UNC5D: variants seen among roughly 807,000 people sequenced by gnomAD.
The protein encoded by UNC5D is netrin receptor UNC5D.
Under a neutral mutation model 105.4 loss-of-function variants are expected in UNC5D, and 39 were observed. That is an observed-to-expected ratio of 0.37 (90% CI 0.29 to 0.48). The LOEUF is 0.48. UNC5D is among the 20% of genes least tolerant of loss of function. UNC5D has a pLI of 0.98. For synonymous variants in UNC5D, 452 were observed against 450.4 expected, an observed-to-expected ratio of 1.00 and a Z score of -0.04; for missense variants, 991 against 1,202.4, an observed-to-expected ratio of 0.82 and a Z score of 2.60.
intron 1 of UNC5D, among the ~76,000 whole-genome samples, chr8:35,442,858 T>C (rs1807501214): frequency 1.6e-5 from 2 of 127,794 alleles, no homozygotes; most frequent in Admixed American, 1.5e-4. Context: ...TCTTACACCA[T>C]CTCTCTCTCT....
chr8:35,263,621 C>T (rs964249501), intron 1 of UNC5D, among the ~76,000 whole-genome samples: 1 of 152,314 alleles, frequency 6.6e-6, no homozygotes, highest in South Asian at 2.1e-4. Context: ...TGAAGCCACA[C>T]ATCTGTAGCT....
At position 35,387,755 on chromosome 8, in the gene UNC5D, T is replaced by A. The variant is rs6468317; in HGVS notation, c.103+151868T>A. Among the ~76,000 whole-genome samples the A allele has an allele frequency of 3.4e-3, 524 of 152,024 alleles. 7 individuals are homozygous for A. The highest frequency in any genetic ancestry group is 0.012 in the African/African-American group (489 of 41,476). On this transcript the variant is annotated intron_variant, in intron 1 of 16. Transcript: ENST00000404895. ...CTTCATATCATCCATCTCAGTAGGA[T>A]TTAGGAGTACAGGTATTTAGAGAGA...
chr8:35,365,475 T>G (rs1448697421), intron 1 of UNC5D, among the ~76,000 whole-genome samples: 1 of 151,492 alleles, frequency 6.6e-6, no homozygotes, highest in Non-Finnish European at 1.5e-5. Context: ...TAAGAAAAGA[T>G]TCCAACTGGA....
chr8:35,759,635 A>G (rs1801429480), intron 14 of UNC5D, among the ~76,000 whole-genome samples, 166 bp downstream of exon 14: 1 of 152,216 alleles, frequency 6.6e-6, no homozygotes, highest in African/African-American at 2.4e-5. Context: ...ACGGAATGAA[A>G]CATATTGTCA....
chr8:35,467,907 T>G (rs1425892743), intron 1 of UNC5D, among the ~76,000 whole-genome samples: 1 of 152,186 alleles, frequency 6.6e-6, no homozygotes, highest in East Asian at 1.9e-4. Context: ...CAATGACCAA[T>G]GTGATATTTT....
At chr8:35,779,479 G>A (rs1477828859) in intron 16 of UNC5D, among the ~76,000 whole-genome samples, 4 of 151,988 alleles carry the variant, frequency 2.6e-5, no homozygotes, top group African/African-American at 4.8e-5. Flanking sequence ...TTTGTTTTGC[G>A]ATGGAGTCTT....
intron 4 of UNC5D, among the ~76,000 whole-genome samples, chr8:35,602,054 A>G (rs1361402658): frequency 6.6e-6 from 1 of 152,206 alleles, no homozygotes; most frequent in Non-Finnish European, 1.5e-5. Context: ...TATTGAGATC[A>G]TCATGTGGTT....
intron 2 of UNC5D, among the ~76,000 whole-genome samples, chr8:35,565,739 T>C (rs781469889): frequency 1.3e-5 from 2 of 152,210 alleles, no homozygotes; most frequent in African/African-American, 2.4e-5. Context: ...TTTGAGTTAA[T>C]TGTTGTATAT....
At chr8:35,576,983 C>A (rs917739592) in intron 3 of UNC5D, among the ~76,000 whole-genome samples, 1 of 152,168 alleles carries the variant, frequency 6.6e-6, no homozygotes, top group Non-Finnish European at 1.5e-5. Flanking sequence ...ACAAAGAATT[C>A]CCTTAAGCCC....
chr8:35,295,690 G>A (rs1254587525), intron 1 of UNC5D, among the ~76,000 whole-genome samples: 1 of 151,992 alleles, frequency 6.6e-6, no homozygotes, highest in African/African-American at 2.4e-5. Flanking sequence ...GGTGTGGTGA[G>A]AACACTTAAG....
intron 1 of UNC5D, among the ~76,000 whole-genome samples, chr8:35,246,581 T>C (rs1803115523): frequency 1.3e-5 from 2 of 152,050 alleles, no homozygotes; most frequent in African/African-American, 4.8e-5. Context: ...TTGACTTCTT[T>C]CTTTTTTTTA....
intron 4 of UNC5D, among the ~76,000 whole-genome samples, chr8:35,620,379 G>T (rs947523198): frequency 2.6e-5 from 4 of 152,176 alleles, no homozygotes; most frequent in Non-Finnish European, 4.4e-5. Flanking sequence ...CATGAGGCAG[G>T]ACCAGGATCT....
Position 35,249,098 on chromosome 8 carries a change from A to T in UNC5D, c.103+13211A>T, listed in dbSNP as rs1288569396. Among the ~76,000 whole-genome samples the T allele has an allele frequency of 3.2e-5, 4 of 125,170 alleles. No individual in the cohort carries two copies. The Admixed American group carries it at 3.9e-4, about 12-fold the overall frequency. 82.1% of individuals were successfully genotyped at this position (125,170 alleles called of 152,430 possible). ...TATATAAAAGTTATATATAATATAT[A>T]AAAAAATATATATATTATATATATA... On this transcript the variant is annotated intron_variant, in intron 1 of 16. Coordinates refer to ENST00000404895, the MANE Select transcript of UNC5D (RefSeq NM_080872.4).
intron 1 of UNC5D, among the ~76,000 whole-genome samples, chr8:35,252,661 G>C (rs532907361): frequency 6.6e-6 from 1 of 152,078 alleles, no homozygotes; most frequent in Non-Finnish European, 1.5e-5. Flanking sequence ...TCATTTTGTT[G>C]TCAGTAAAAT....
chr8:35,568,084 T>C lies in UNC5D; in HGVS notation c.323-14T>C. 1.2e-6 allele frequency: 2 copies of C among 1,613,416 alleles called. No individual in the cohort carries two copies. The highest frequency in any genetic ancestry group is 1.7e-6 in the Non-Finnish European group (2 of 1,179,676). On this transcript the variant is annotated splice_polypyrimidine_tract_variant and intron_variant, in intron 2 of 16. Transcript: ENST00000404895. ...AGCCTCAGCTGATTTGTCTCTTATC[T>C]CTCCCACCATCAGGTTTGAAGGTCC...
In UNC5D at chr8:35,705,935, A is replaced by G; in HGVS notation, c.1091A>G (p.Lys364Arg). Reference protein sequence around the residue: ...CTDGLCILDKKPLHEIKPQSI... With the variant: ...CTDGLCILDKRPLHEIKPQSI... The stretch of plus-strand genomic sequence containing the variant: ...CTTTCTTTCTTTCTTTTAGATAAAA[A>G]ACCTCTTCATGAAATAAAACCCCAA... The change falls in exon 8 of 17, where the codon AAA becomes AGA. Residue 364 changes from lysine (K) to arginine (R), a missense_variant. This residue lies in a region of UNC5D where 944 missense variants were observed against 1,131.6 expected (regional missense o/e 0.83). Coordinates refer to ENST00000404895, the MANE Select transcript of UNC5D (RefSeq NM_080872.4). 1 of 1,332,950 alleles carries G rather than the reference A, an allele frequency of 7.5e-7. No individual in the cohort carries two copies. Among genetic ancestry groups the G allele is most frequent in the Non-Finnish European group, 1.0e-6 (1 of 952,942 alleles). The allele number at this position is 1,332,950 out of a possible 1,614,324, so 82.6% of individuals were successfully genotyped here.
At chr8:35,518,738 A>C (rs1304978622) in intron 1 of UNC5D, among the ~76,000 whole-genome samples, 1 of 152,222 alleles carries the variant, frequency 6.6e-6, no homozygotes, top group African/African-American at 2.4e-5. Context: ...GCTGTTTGGC[A>C]GACAGAATCC....
rs557954051 is a variant in UNC5D, at chr8:35,743,646, G to A, written c.1767-4881G>A. ...AAAATTTCAAACTCAAGGAAAAATT[G>A]CAATAATATCAAGAATTCCTGTGTG... On this transcript the variant is annotated intron_variant, in intron 11 of 16. Transcript: ENST00000404895. 7.9e-5 allele frequency among the ~76,000 whole-genome samples: 12 copies of A among 151,710 alleles called. No homozygotes were observed. The South Asian group carries it at 2.3e-3, about 29-fold the overall frequency.
intron 1 of UNC5D, among the ~76,000 whole-genome samples, chr8:35,254,163 A>G (rs1327868761): frequency 6.6e-6 from 1 of 152,192 alleles, no homozygotes; most frequent in Non-Finnish European, 1.5e-5. Context: ...GGAAGCAGGA[A>G]GGATATATTG....
Sources: allele counts gnomAD v4.1 joint callset (sites outside exome capture counted in the v4.1 genomes callset), GRCh38; gene constraint gnomAD v4.1.1; regional missense constraint gnomAD v4.1.1; transcripts MANE v1.5; gene names NCBI Gene and HGNC (gene_info 2026-07-23, HGNC 2026-07-21).